CLDN10: variants seen among roughly 807,000 people sequenced by gnomAD.
CLDN10 encodes claudin-10.
In CLDN10, 15 loss-of-function variants were observed where a neutral mutation model predicts 22.9. The observed-to-expected ratio is 0.65, with a 90% CI of 0.44 to 1.01. The LOEUF (loss-of-function observed/expected upper bound fraction) is 1.01. Among genes scored for constraint, CLDN10 ranks in the 50% least tolerant of loss-of-function variants. The pLI is 0.00. For synonymous variants in CLDN10, 114 were observed against 111.4 expected (o/e 1.02, Z -0.15); for missense variants, 247 against 287.8 (o/e 0.86, Z 1.03).
chr13:95,506,516 C>T (rs987678547), intron 1 of CLDN10, among the ~76,000 whole-genome samples: 1 of 152,206 alleles, frequency 6.6e-6, no homozygotes, highest in African/African-American at 2.4e-5. Context: ...TCCCCTCTGC[C>T]TCCCTCTGGG....
At chr13:95,488,429 T>C (rs1389797862) in intron 1 of CLDN10, among the ~76,000 whole-genome samples, 1 of 152,100 alleles carries the variant, frequency 6.6e-6, no homozygotes, top group African/African-American at 2.4e-5. Flanking sequence ...GAGTAAATTC[T>C]TTAGTGGTGA....
intron 1 of CLDN10, among the ~76,000 whole-genome samples, chr13:95,441,092 G>A (rs1477084736): frequency 2.0e-5 from 3 of 152,228 alleles, no homozygotes; most frequent in Non-Finnish European, 2.9e-5. Flanking sequence ...ACTCAACGAA[G>A]TTGTGTGGAT....
chr13:95,453,891 G>A (rs2139080984), intron 1 of CLDN10, among the ~76,000 whole-genome samples: 1 of 152,162 alleles, frequency 6.6e-6, no homozygotes, highest in Non-Finnish European at 1.5e-5. Context: ...AAGGCGGGCG[G>A]ATCACCTGAG....
In CLDN10 at chr13:95,560,146, T is replaced by G; in HGVS notation, c.235T>G (p.Cys79Gly). 6.2e-7 allele frequency: 1 copy of G among 1,613,912 alleles called. No homozygotes were observed. Among genetic ancestry groups the G allele is most frequent in the Non-Finnish European group, 8.5e-7 (1 of 1,179,824 alleles). ...MLALDGYIQA[C>G]RGLMIAAVSL... ...TCTAATTGCAGGTTATATACAGGCA[T>G]GTAGAGGACTTATGATCGCTGCTGT... The change falls in exon 2 of 5, where the codon TGT (cysteine) becomes GGT (glycine). Residue 79 changes from cysteine (C) to glycine (G), a missense_variant. Physicochemically the swap from Cys to Gly is radical, Grantham distance 159. Coordinates refer to ENST00000299339, the MANE Select transcript of CLDN10 (RefSeq NM_006984.5).
intron 1 of CLDN10, among the ~76,000 whole-genome samples, chr13:95,441,065 T>A (rs578019339): frequency 1.3e-5 from 2 of 152,356 alleles, no homozygotes; most frequent in South Asian, 4.1e-4. Context: ...CCTACTGCTG[T>A]GTCTGGCTTA....
chr13:95,507,157 C>A (rs924658252), intron 1 of CLDN10, among the ~76,000 whole-genome samples: 6 of 152,132 alleles, frequency 3.9e-5, no homozygotes, highest in Admixed American at 3.9e-4. Flanking sequence ...AAAAAATATT[C>A]CTTTGATCGA....
chr13:95,548,092 T>G (rs1489383951), upstream of CLDN10, among the ~76,000 whole-genome samples: 5 of 152,206 alleles, frequency 3.3e-5, no homozygotes, highest in Non-Finnish European at 7.3e-5. Flanking sequence ...ATAAAATCAC[T>G]TGCCCAAAAC....
intron 1 of CLDN10, among the ~76,000 whole-genome samples, chr13:95,486,366 T>C (rs993702374): frequency 2.0e-5 from 3 of 151,840 alleles, no homozygotes; most frequent in Non-Finnish European, 4.4e-5. Flanking sequence ...CTACTAAAAA[T>C]ACAAAAATTA....
intron 1 of CLDN10, among the ~76,000 whole-genome samples, chr13:95,472,610 C>T (rs962501569): frequency 1.4e-5 from 2 of 147,664 alleles, no homozygotes; most frequent in Admixed American, 6.9e-5. Context: ...GCAGAGGTTG[C>T]AGTGAGCCAA....
chr13:95,444,132 C>T (rs1347511421), intron 1 of CLDN10, among the ~76,000 whole-genome samples: 1 of 152,232 alleles, frequency 6.6e-6, no homozygotes, highest in Non-Finnish European at 1.5e-5. Flanking sequence ...GCTGTCTCCA[C>T]CGCACAGCTT....
chr13:95,517,279 G>A (rs190137249), intron 1 of CLDN10, among the ~76,000 whole-genome samples: 18 of 152,040 alleles, frequency 1.2e-4, no homozygotes, highest in Admixed American at 2.6e-4. Flanking sequence ...AGGAGCTGGC[G>A]ATACAGACAA....
intron 1 of CLDN10, among the ~76,000 whole-genome samples, chr13:95,516,984 TTCCTTCCTTC>T (rs1566312302): frequency 1.4e-4 from 5 of 35,436 alleles, no homozygotes; most frequent in African/African-American, 3.9e-4. Context: ...CCTTCCTTCC[TTCCTTCCTTC>T]CTTCCTTCCT....
intron 1 of CLDN10, among the ~76,000 whole-genome samples, chr13:95,464,209 C>T (rs1217652299): frequency 1.3e-5 from 2 of 151,862 alleles, no homozygotes; most frequent in East Asian, 1.9e-4. Context: ...CCCATTAACT[C>T]GTCATTTACA....
rs1266279723 is a variant in CLDN10 at position 95,577,279 on chromosome 13, G to A, written c.513G>A (p.Leu171=). The A allele has an allele frequency of 6.2e-7, 1 of 1,614,064 alleles. No individual in the cohort carries two copies. Among genetic ancestry groups the A allele is most frequent in the Non-Finnish European group, 8.5e-7 (1 of 1,180,032 alleles). Residue 171 remains leucine (L), a synonymous_variant, in exon 4 of 5, where the codon CTG becomes CTA. Transcript: ENST00000299339. ...ALFIGWAGAS[L]CIIGGVIFCF... ...TTATTGGATGGGCAGGAGCCTCACT[G>A]TGCATAATTGGTGGTGTCATATTTT...
chr13:95,570,154 G>A (rs1314879465), intron 3 of CLDN10, among the ~76,000 whole-genome samples: 2 of 152,196 alleles, frequency 1.3e-5, no homozygotes, highest in African/African-American at 4.8e-5. Context: ...GCTCAGGACA[G>A]TATTTGTTAT....
intron 1 of CLDN10, among the ~76,000 whole-genome samples, chr13:95,471,372 G>GTATA (rs200898002): frequency 6.8e-6 from 1 of 147,832 alleles, no homozygotes; most frequent in African/African-American, 2.5e-5. Flanking sequence ...GTGTGTGTGT[G>GTATA]TATATATATA....
At chr13:95,567,326 A>G (rs1326291996) in intron 3 of CLDN10, among the ~76,000 whole-genome samples, 1 of 152,168 alleles carries the variant, frequency 6.6e-6, no homozygotes, top group African/African-American at 2.4e-5. Flanking sequence ...CTCCTTGAAG[A>G]GGTCCTTCAC....
chr13:95,563,940 C>T (rs762890450), intron 3 of CLDN10, among the ~76,000 whole-genome samples: 1 of 152,194 alleles, frequency 6.6e-6, no homozygotes, highest in Non-Finnish European at 1.5e-5. Flanking sequence ...CAAATGTCAT[C>T]TTTAAAGCAA....
At chr13:95,513,732 T>C (rs1031075245) in intron 1 of CLDN10, among the ~76,000 whole-genome samples, 5 of 142,426 alleles carry the variant, frequency 3.5e-5, no homozygotes, top group Non-Finnish European at 6.5e-5. Flanking sequence ...AGCATTGGAC[T>C]AGGGTTGAGA....
Sources: gnomAD v4.1 joint callset for allele counts (sites outside exome capture counted in the v4.1 genomes callset) on GRCh38, gnomAD v4.1.1 for gene constraint, MANE v1.5 for transcripts, NCBI Gene and HGNC (gene_info 2026-07-23, HGNC 2026-07-21) for gene names.